Variants in SLC25A18 observed in about 807,000 individuals in gnomAD.
SLC25A18 encodes the protein solute carrier family 25 member 18.
Under a neutral mutation model 31.1 loss-of-function variants are expected in SLC25A18, and 24 were observed. The observed-to-expected ratio is 0.77, with a 90% CI of 0.56 to 1.08. SLC25A18 has a LOEUF of 1.08. Among genes scored for constraint, SLC25A18 ranks in the 50% least tolerant of loss-of-function variants. The pLI is 0.00. For missense variants in SLC25A18, 371 were observed against 418.5 expected (o/e 0.89, Z 0.99); for synonymous variants, 173 against 161.9 (o/e 1.07, Z -0.52).
chr22:17,587,832 A>G, intron 8 of SLC25A18, 93 bp from the exon 9 acceptor site: 1 of 1,527,464 alleles, frequency 6.5e-7, no homozygotes, highest in South Asian at 1.2e-5. Context: ...TCTCACTGTA[A>G]GCCCCACAGC....
intron 10 of SLC25A18, 102 bp downstream of exon 10, chr22:17,589,767 G>GGTTTCTTTGAA: frequency 8.7e-7 from 1 of 1,145,610 alleles, no homozygotes; most frequent in Non-Finnish European, 1.3e-6. Flanking sequence ...CTGGGCTCTG[G>GGTTTCTTTGAA]GTTTCTTTGA....
intron 5 of SLC25A18, chr22:17,582,000 C>A (rs2057388187): frequency 6.5e-6 from 1 of 154,112 alleles, no homozygotes; most frequent in Admixed American, 6.4e-5. Context: ...TCATCAGCGA[C>A]CCCACCAGCA....
chr22:17,564,790 G>A (rs930560551), intron 1 of SLC25A18, among the ~76,000 whole-genome samples: 1 of 149,428 alleles, frequency 6.7e-6, no homozygotes, highest in Non-Finnish European at 1.5e-5. Flanking sequence ...CTGGGAGATG[G>A]ACGTTGTAGT....
At chr22:17,583,970 T>C (rs2057451596) in intron 7 of SLC25A18, 1 of 744,332 alleles carries the variant, frequency 1.3e-6, no homozygotes, top group African/African-American at 1.9e-5. Flanking sequence ...TCATTTATGG[T>C]TACCCATTTC....
chr22:17,590,369 G>A lies in SLC25A18; in HGVS notation c.*133G>A, dbSNP rs949344937. 31 of 1,030,890 alleles carry A rather than the reference G, an allele frequency of 3.0e-5. No individual in the cohort carries two copies. The highest frequency in any genetic ancestry group is 8.2e-5 in the South Asian group (5 of 61,156). The allele number at this position is 1,030,890 out of a possible 1,614,324, so 63.9% of individuals were successfully genotyped here. A position where few individuals can be genotyped will look rare whatever the true frequency, so the allele number is the denominator to read the frequency against. On this transcript the variant is annotated 3_prime_UTR_variant, in exon 11 of 11. Transcript: ENST00000327451. Reference sequence around the variant, plus strand: ...TGCGTTGTAGTGCTACCTCAATCTCGGGAGAAACAGCCCTATATTCTAACA... The same window carrying A: ...TGCGTTGTAGTGCTACCTCAATCTCAGGAGAAACAGCCCTATATTCTAACA...
chr22:17,584,781 C>CAAAAAAAAAAAAA (rs66948770), intron 7 of SLC25A18, among the ~76,000 whole-genome samples: 6 of 20,066 alleles, frequency 3.0e-4, no homozygotes, highest in Admixed American at 6.6e-4. Context: ...GAATTCATCT[C>CAAAAAAAAAAAAA]AAAAAAAAAA....
intron 2 of SLC25A18, among the ~76,000 whole-genome samples, chr22:17,574,204 A>G (rs1219803904): frequency 6.6e-6 from 1 of 151,988 alleles, no homozygotes; most frequent in African/African-American, 2.4e-5. Flanking sequence ...ACGGCGCTCC[A>G]CCCTGGGCAA....
At chr22:17,589,439 G>A in intron 9 of SLC25A18, 151 bp from the exon 10 acceptor site, 1 of 588,690 alleles carries the variant, frequency 1.7e-6, no homozygotes, top group Non-Finnish European at 3.1e-6. Flanking sequence ...GCCTCCCAAA[G>A]TGCTGGGATT....
chr22:17,590,234 T>TAG lies in SLC25A18; in HGVS notation c.948_*1dup. The change falls in exon 11 of 11, where the codon TAG becomes TAGAG. Residue 316 remains the stop codon, a frameshift_variant and stop_retained_variant. Transcript: ENST00000327451. LOFTEE classifies it high-confidence loss of function. The part of the protein sequence containing the change: ...IGERILKCFD[*] ...AGAGCGCATCTTAAAGTGTTTTGAC[T>TAG]AGACAGAGCTGGAGGTCAAGTCCCT... 1 of 1,614,212 alleles carries TAG rather than the reference T, an allele frequency of 6.2e-7. No homozygotes were observed. The highest frequency in any genetic ancestry group is 8.5e-7 in the Non-Finnish European group (1 of 1,180,048).
At chr22:17,584,446 G>GGAAGGAGA (rs1205165235) in intron 7 of SLC25A18, among the ~76,000 whole-genome samples, 15 of 116,938 alleles carry the variant, frequency 1.3e-4, no homozygotes, top group Middle Eastern at 4.2e-3. Context: ...AAGGAAGGAA[G>GGAAGGAGA]GAGAGAGAGA....
At chr22:17,590,004 A>C (rs2057673611) in intron 10 of SLC25A18, 91 bp from the exon 11 acceptor site, 1 of 1,543,392 alleles carries the variant, frequency 6.5e-7, no homozygotes. Context: ...ACTATTCTAA[A>C]ATGAGAGGTG....
At position 17,565,869 on chromosome 22, in the gene SLC25A18, A is replaced by C. The variant is rs556780453; in HGVS notation, c.-264+2156A>C. 1.3e-4 allele frequency among the ~76,000 whole-genome samples: 20 copies of C among 152,282 alleles called. No homozygotes were observed. In the South Asian group the frequency reaches 3.1e-3, roughly 24 times the overall value. On this transcript the variant is annotated intron_variant, in intron 1 of 10. Coordinates refer to ENST00000327451, the MANE Select transcript of SLC25A18 (RefSeq NM_031481.3). ...GCAACAAGAGTGAAGCTCCGTCTCA[A>C]AAAATAAAGAGATGGGGTCTTGGAT...
chr22:17,590,039 G>A lies in SLC25A18; in HGVS notation c.807-56G>A. The A allele has an allele frequency of 5.0e-6, 8 of 1,607,526 alleles. 1 individual carries two copies. The highest frequency in any genetic ancestry group is 2.1e-4 in the Middle Eastern group (1 of 4,764). ...GCACAAATGGAGAGGCTGCCACTGA[G>A]GGCTGCTTGCAGAATGCCCCTGCCC... On this transcript the variant is annotated intron_variant, in intron 10 of 10. Transcript: ENST00000327451.
chr22:17,584,229 T>TA (rs1310062376), intron 7 of SLC25A18: 1 of 234,790 alleles, frequency 4.3e-6, no homozygotes, highest in Non-Finnish European at 6.9e-6. Context: ...CCATCTTTAC[T>TA]AAAAATACAA....
intron 2 of SLC25A18, among the ~76,000 whole-genome samples, chr22:17,577,999 G>C (rs576939589): frequency 2.8e-5 from 4 of 143,736 alleles, no homozygotes; most frequent in African/African-American, 1.0e-4. Flanking sequence ...TTTCTTCTTT[G>C]GGGGGCATAG....
chr22:17,589,315 G>T (rs1009497894), intron 9 of SLC25A18: 4 of 322,052 alleles, frequency 1.2e-5, no homozygotes, highest in Non-Finnish European at 2.4e-5. Context: ...TGAGTAGCTG[G>T]GACTACAGGA....
chr22:17,566,991 G>A (rs544641107), intron 1 of SLC25A18, among the ~76,000 whole-genome samples: 7 of 152,084 alleles, frequency 4.6e-5, no homozygotes, highest in Non-Finnish European at 8.8e-5. Context: ...GCAAAACCGC[G>A]TCTCTACAAA....
At chr22:17,569,525 G>A (rs1263488423) in intron 1 of SLC25A18, 1 of 785,388 alleles carries the variant, frequency 1.3e-6, no homozygotes, top group Non-Finnish European at 1.5e-6. Context: ...GCAGAGATTT[G>A]CTTCTGGCAC....
intron 1 of SLC25A18, among the ~76,000 whole-genome samples, chr22:17,568,277 G>C (rs1284302980): frequency 1.3e-5 from 2 of 150,902 alleles, no homozygotes; most frequent in Non-Finnish European, 2.9e-5. Flanking sequence ...TGAGGCAGGA[G>C]AATGGCGTGA....
Sources: allele counts gnomAD v4.1 joint callset (sites outside exome capture counted in the v4.1 genomes callset), GRCh38; gene constraint gnomAD v4.1.1; transcripts MANE v1.5; gene names NCBI Gene and HGNC (gene_info 2026-07-23, HGNC 2026-07-21).